The following ZFHX3 variants were observed in gnomAD, a reference collection of about 807,000 sequenced individuals.
The protein encoded by ZFHX3 is zinc finger homeobox 3.
In ZFHX3, 42 loss-of-function variants were observed where a neutral mutation model predicts 279.1. The ratio of observed to expected loss-of-function variants is 0.15; its 90% CI spans 0.12 to 0.19. The LOEUF (loss-of-function observed/expected upper bound fraction) is 0.19, where lower values mean the gene tolerates loss of function less well. Ranked by LOEUF, ZFHX3 falls within the 10% of genes least tolerant of loss-of-function variation. The pLI is 1.00. For missense variants in ZFHX3, 4,981 were observed against 4,754.0 expected, an observed-to-expected ratio of 1.05 and a Z score of -1.40; for synonymous variants, 2,293 against 1,957.8, an observed-to-expected ratio of 1.17 and a Z score of -4.52.
chr16:73,601,773 T>C (rs569497326), intron 2 of ZFHX3, among the ~76,000 whole-genome samples: 14 of 152,316 alleles, frequency 9.2e-5, no homozygotes, highest in African/African-American at 3.4e-4. Context: ...TGAAGCCATC[T>C]AGAAAATAAT....
intron 2 of ZFHX3, among the ~76,000 whole-genome samples, chr16:73,652,926 A>C (rs1196968255): frequency 6.6e-6 from 1 of 152,174 alleles, no homozygotes; most frequent in Non-Finnish European, 1.5e-5. Flanking sequence ...TCTCCAATTA[A>C]AAAATAAATG....
intron 1 of ZFHX3, among the ~76,000 whole-genome samples, chr16:73,694,238 G>T (rs149463387): frequency 1.3e-5 from 2 of 152,086 alleles, no homozygotes; most frequent in Non-Finnish European, 2.9e-5. Flanking sequence ...CAGGAGAATC[G>T]CTTGAACTGG....
chr16:73,364,416 G>C (rs1861476693), intron 3 of ZFHX3, among the ~76,000 whole-genome samples: 1 of 151,306 alleles, frequency 6.6e-6, no homozygotes, highest in Non-Finnish European at 1.5e-5. Flanking sequence ...AAATATATTA[G>C]TAGGTATACA....
At chr16:73,428,904 C>G (rs1248922491) in intron 3 of ZFHX3, among the ~76,000 whole-genome samples, 8 of 152,142 alleles carry the variant, frequency 5.3e-5, no homozygotes, top group African/African-American at 1.9e-4. Context: ...GTTAAATATC[C>G]AGTGAATACT....
chr16:72,944,673 C>T (rs1337531293), intron 3 of ZFHX3, among the ~76,000 whole-genome samples: 2 of 152,118 alleles, frequency 1.3e-5, no homozygotes, highest in Non-Finnish European at 2.9e-5. Flanking sequence ...TTACAGTGAA[C>T]ATGCATTACT....
intron 2 of ZFHX3, among the ~76,000 whole-genome samples, chr16:73,482,038 C>A (rs1429983231): frequency 6.6e-6 from 1 of 152,150 alleles, no homozygotes; most frequent in Non-Finnish European, 1.5e-5. Flanking sequence ...CCTTTGACAT[C>A]TCTGAATATC....
chr16:73,465,726 TC>T (rs1235463712), intron 2 of ZFHX3, among the ~76,000 whole-genome samples: 3 of 152,198 alleles, frequency 2.0e-5, no homozygotes, highest in Non-Finnish European at 2.9e-5. Context: ...TACAACTGCT[TC>T]CTTTTCTCCT....
At chr16:73,727,769 C>T (rs1188185719) in intron 1 of ZFHX3, among the ~76,000 whole-genome samples, 1 of 152,106 alleles carries the variant, frequency 6.6e-6, no homozygotes, top group East Asian at 1.9e-4. Context: ...AGAGTTATAG[C>T]TCATTCTGAT....
intron 9 of ZFHX3, chr16:72,791,088 C>T (rs1277319345): frequency 6.6e-6 from 1 of 152,146 alleles, no homozygotes; most frequent in Non-Finnish European, 1.5e-5. Flanking sequence ...TAGACTTACT[C>T]CTACAAATCT....
chr16:73,690,554 A>T (rs906063916), intron 1 of ZFHX3, among the ~76,000 whole-genome samples: 1 of 151,934 alleles, frequency 6.6e-6, no homozygotes, highest in Non-Finnish European at 1.5e-5. Context: ...CCCTTCATGC[A>T]CTCCCTTTGC....
chr16:73,512,272 CAAAAAAAA>C (rs3087038), intron 2 of ZFHX3, among the ~76,000 whole-genome samples: 5 of 87,840 alleles, frequency 5.7e-5, no homozygotes, highest in African/African-American at 1.8e-4. Flanking sequence ...CACTAAAATA[CAAAAAAAA>C]AAAAAAAAAA....
chr16:73,166,565 G>A (rs982058291), intron 5 of ZFHX3, among the ~76,000 whole-genome samples: 1 of 152,112 alleles, frequency 6.6e-6, no homozygotes, highest in East Asian at 1.9e-4. Context: ...GCAAGAGCAC[G>A]GGGCAGCATT....
rs868171874 is a variant in ZFHX3, at chr16:73,197,304, G to A, written c.-1103-53473C>T. 2.0e-4 allele frequency among the ~76,000 whole-genome samples: 31 copies of A among 152,310 alleles called. 1 individual carries two copies. The highest frequency in any genetic ancestry group is 5.2e-4 in the Admixed American group (8 of 15,304). On this transcript the variant is annotated intron_variant, in intron 5 of 17. Coordinates refer to the ZFHX3 transcript ENST00000641206. ...ATCAATGGATGAATTGTTGGAGGAG[G>A]TGGGTATTGCTATATCCACGGCATG... is the stretch of plus-strand genomic sequence containing the variant.
intron 2 of ZFHX3, among the ~76,000 whole-genome samples, chr16:73,459,951 A>G (rs2018444784): frequency 6.6e-6 from 1 of 152,180 alleles, no homozygotes; most frequent in Non-Finnish European, 1.5e-5. Flanking sequence ...ACAATTCAAG[A>G]TGAGATTTGG....
intron 1 of ZFHX3, among the ~76,000 whole-genome samples, chr16:73,752,684 G>T (rs1224883214): frequency 6.6e-6 from 1 of 152,158 alleles, no homozygotes; most frequent in Non-Finnish European, 1.5e-5. Context: ...GAAGCTGGGG[G>T]AAGAATCAGC....
intron 8 of ZFHX3, among the ~76,000 whole-genome samples, chr16:73,066,566 G>T (rs1449140125): frequency 2.0e-5 from 3 of 151,958 alleles, no homozygotes; most frequent in Non-Finnish European, 4.4e-5. Context: ...TGCACGTAGG[G>T]CATGGCCCAA....
intron 5 of ZFHX3, among the ~76,000 whole-genome samples, chr16:73,188,105 C>A (rs1029018473): frequency 1.3e-5 from 2 of 152,174 alleles, no homozygotes; most frequent in African/African-American, 4.8e-5. Context: ...TTGTGATCCG[C>A]CTGCCTCGGC....
At chr16:73,066,924 C>G (rs1006887386) in intron 8 of ZFHX3, among the ~76,000 whole-genome samples, 4 of 152,142 alleles carry the variant, frequency 2.6e-5, no homozygotes, top group Admixed American at 2.0e-4. Context: ...GGACCCTGAA[C>G]CCAACTGCAG....
chr16:73,758,643 T>A (rs2053834572), intron 1 of ZFHX3, among the ~76,000 whole-genome samples: 1 of 152,198 alleles, frequency 6.6e-6, no homozygotes. Context: ...CTGGTCTGAA[T>A]ACACAGGCGG....
Sources: gnomAD v4.1 joint callset for allele counts (sites outside exome capture counted in the v4.1 genomes callset) on GRCh38, gnomAD v4.1.1 for gene constraint, MANE v1.5 for transcripts, NCBI Gene and HGNC (gene_info 2026-07-23, HGNC 2026-07-21) for gene names.